Variants in IRAG2 observed in about 807,000 individuals in gnomAD.
The protein encoded by IRAG2 is lymphoid restricted membrane protein.
A neutral mutation model predicts 69.9 loss-of-function variants in IRAG2; 45 were observed. That is an observed-to-expected ratio of 0.64 (90% CI 0.51 to 0.83). The LOEUF (loss-of-function observed/expected upper bound fraction) is 0.83. Among genes scored for constraint, IRAG2 ranks in the 40% least tolerant of loss-of-function variants. The pLI is 0.00. For missense variants in IRAG2, 520 were observed against 587.0 expected (o/e 0.89, Z 1.18); for synonymous variants, 193 against 202.4 (o/e 0.95, Z 0.40).
At chr12:25,075,674 T>G (rs534274589) in intron 6 of IRAG2, 1 of 152,180 alleles carries the variant, frequency 6.6e-6, no homozygotes, top group African/African-American at 2.4e-5. Context: ...GCAAATGGGC[T>G]GGACCATGGA....
At chr12:25,060,722 A>G (rs1162433429) in intron 1 of IRAG2, among the ~76,000 whole-genome samples, 1 of 133,632 alleles carries the variant, frequency 7.5e-6, no homozygotes, top group Non-Finnish European at 1.5e-5. Context: ...GTGCAGTGGC[A>G]TGATCTTGGC....
intron 3 of IRAG2, among the ~76,000 whole-genome samples, chr12:25,012,014 T>TA (rs2139821517): frequency 6.6e-6 from 1 of 151,818 alleles, no homozygotes; most frequent in African/African-American, 2.4e-5. Flanking sequence ...ATAGGGAGGC[T>TA]AAGGGGAACA....
chr12:25,090,681 T>C (rs756689616), intron 14 of IRAG2: 80 of 318,180 alleles, frequency 2.5e-4, no homozygotes, highest in Non-Finnish European at 3.8e-4. Context: ...ATGTGAATCA[T>C]AGAAAGTAAG....
intron 3 of IRAG2, among the ~76,000 whole-genome samples, chr12:25,013,866 C>CTTTTTTTTTTT (rs71063386): frequency 1.5e-4 from 12 of 79,520 alleles, no homozygotes; most frequent in Non-Finnish European, 1.8e-4. Flanking sequence ...TTTTCTTTTT[C>CTTTTTTTTTTT]TTTTTTTTTT....
At chr12:25,060,242 T>C (rs922802123) in intron 1 of IRAG2, among the ~76,000 whole-genome samples, 3 of 152,198 alleles carry the variant, frequency 2.0e-5, no homozygotes, top group Non-Finnish European at 4.4e-5. Flanking sequence ...GTATCTATTC[T>C]AGTTGTTCAA....
intron 6 of IRAG2, among the ~76,000 whole-genome samples, chr12:25,071,663 T>C (rs905947194): frequency 2.6e-5 from 4 of 152,208 alleles, no homozygotes; most frequent in African/African-American, 9.7e-5. Flanking sequence ...ACTCAATTAA[T>C]AAATAACAAA....
intron 16 of IRAG2, chr12:25,038,206 A>C: frequency 2.5e-6 from 1 of 397,524 alleles, no homozygotes; most frequent in Non-Finnish European, 4.4e-6. Flanking sequence ...ATGCCACTGC[A>C]TTCAGTTTAC....
At chr12:25,035,608 TC>T (rs1944696910) in intron 13 of IRAG2, 1 of 398,710 alleles carries the variant, frequency 2.5e-6, no homozygotes, top group Admixed American at 4.4e-5. Flanking sequence ...TAATGAATGT[TC>T]TTTATTCAGA....
At chr12:25,001,769 G>GT (rs1944392682), upstream of IRAG2, among the ~76,000 whole-genome samples, 1 of 144,756 alleles carries the variant, frequency 6.9e-6, no homozygotes, top group African/African-American at 2.6e-5. Flanking sequence ...CTACTCTTTT[G>GT]GTTTTTTTTT....
chr12:25,004,295 G>A, upstream of IRAG2: 1 of 1,176,588 alleles, frequency 8.5e-7, no homozygotes, highest in East Asian at 3.2e-5. Flanking sequence ...ATCTACTTTT[G>A]CCTATACTTT....
chr12:25,051,372 C>T (rs1260346993), upstream of IRAG2, among the ~76,000 whole-genome samples: 1 of 152,144 alleles, frequency 6.6e-6, no homozygotes, highest in Non-Finnish European at 1.5e-5. Context: ...TAAATGTTAA[C>T]GTTTGAGAGG....
chr12:25,016,841 A>G (rs984254432), intron 5 of IRAG2, among the ~76,000 whole-genome samples: 4 of 152,196 alleles, frequency 2.6e-5, no homozygotes, highest in African/African-American at 9.6e-5. Context: ...TTAGAAGACA[A>G]ATGTTGAGAG....
intron 3 of IRAG2, chr12:25,011,696 C>T (rs900538507): frequency 1.9e-6 from 1 of 527,616 alleles, no homozygotes; most frequent in East Asian, 3.5e-5. Context: ...GATGTTAAAC[C>T]TGATTGCTGG....
At chr12:25,015,693 T>G (rs1201023794) in intron 5 of IRAG2, among the ~76,000 whole-genome samples, 1 of 152,228 alleles carries the variant, frequency 6.6e-6, no homozygotes, top group Non-Finnish European at 1.5e-5. Flanking sequence ...TTCCTGTGCT[T>G]TCTGTAGGGA....
chr12:25,107,527 G>GCCTTA (rs1247663556), intron 21 of IRAG2, among the ~76,000 whole-genome samples: 1 of 151,262 alleles, frequency 6.6e-6, no homozygotes, highest in Non-Finnish European at 1.5e-5. Context: ...GGAATATGTT[G>GCCTTA]CCTTACCTTA....
At chr12:25,028,112 A>C (rs1429086114) in intron 9 of IRAG2, among the ~76,000 whole-genome samples, 1 of 152,106 alleles carries the variant, frequency 6.6e-6, no homozygotes, top group Non-Finnish European at 1.5e-5. Context: ...TGTGGTAAAG[A>C]TGGGATTTCA....
chr12:25,079,461 T>A lies in IRAG2; in HGVS notation c.135T>A (p.Ser45Arg). The A allele has an allele frequency of 1.9e-6, 3 of 1,611,262 alleles. No individual in the cohort carries two copies. Among genetic ancestry groups the A allele is most frequent in the South Asian group, 1.1e-5 (1 of 91,026 alleles). The change falls in exon 8 of 22, where the codon AGT (serine) becomes AGA (arginine). Residue 45 changes from serine to arginine, a missense_variant and splice_region_variant. Transcript: ENST00000556887. The stretch of plus-strand genomic sequence containing the variant: ...CGACAGACGGTACTATAACTTCAAG[T>A]GGTAAGTGGATTTGGAAATAATATT... ...TSSTDGTITS[S>R]DPGLEILNMA...
At chr12:25,019,647 G>T (rs144601563) in intron 6 of IRAG2, among the ~76,000 whole-genome samples, 1 of 152,110 alleles carries the variant, frequency 6.6e-6, no homozygotes, top group South Asian at 2.1e-4. Context: ...AGGATAGGGG[G>T]CATGGTGGGT....
At chr12:25,043,435 G>C (rs1944766639) in intron 16 of IRAG2, among the ~76,000 whole-genome samples, 1 of 152,156 alleles carries the variant, frequency 6.6e-6, no homozygotes, top group African/African-American at 2.4e-5. Flanking sequence ...TGAAAACGAA[G>C]AAGGTAGTTT....
Sources: allele counts gnomAD v4.1 joint callset (sites outside exome capture counted in the v4.1 genomes callset), GRCh38; gene constraint gnomAD v4.1.1; transcripts MANE v1.5; gene names NCBI Gene and HGNC (gene_info 2026-07-23, HGNC 2026-07-21).